RPS6KC1: variants seen among roughly 807,000 people sequenced by gnomAD.
The protein encoded by RPS6KC1 is ribosomal protein S6 kinase C1, also known as inactive ribosomal protein S6 kinase delta-1.
RPS6KC1 carries 54 observed loss-of-function variants against 103.8 expected under a neutral mutation model. That is an observed-to-expected ratio of 0.52 (90% CI 0.42 to 0.65). The LOEUF is 0.65. Among genes scored for constraint, RPS6KC1 ranks in the 30% least tolerant of loss-of-function variants. The pLI is 0.00. For synonymous variants in RPS6KC1, 439 were observed against 438.7 expected (o/e 1.00, Z -0.01); for missense variants, 1,151 against 1,253.8 (o/e 0.92, Z 1.24).
chr1:213,432,735 A>G, the RPS6KC1 span, among the ~76,000 whole-genome samples: 2 of 137,910 alleles, frequency 1.5e-5, no homozygotes, highest in South Asian at 2.4e-4. Context: ...ATCATACAGC[A>G]TGTAATCATT....
chr1:213,465,337 T>A, the RPS6KC1 span, among the ~76,000 whole-genome samples: 1 of 152,206 alleles, frequency 6.6e-6, no homozygotes, highest in South Asian at 2.1e-4. Context: ...TAATTTACAT[T>A]AGTGAACATT....
the RPS6KC1 span, among the ~76,000 whole-genome samples, chr1:213,740,199 C>T: frequency 6.6e-6 from 1 of 152,058 alleles, no homozygotes; most frequent in Non-Finnish European, 1.5e-5. Context: ...AAACAGAAAT[C>T]CAACACAATC....
chr1:213,612,127 G>T, the RPS6KC1 span, among the ~76,000 whole-genome samples: 228 of 152,304 alleles, frequency 1.5e-3, no homozygotes, highest in Non-Finnish European at 2.1e-3. Flanking sequence ...GGAACTTGTT[G>T]GAAATCCAGA....
At chr1:213,060,320 G>A (rs75187738) in intron 1 of RPS6KC1, among the ~76,000 whole-genome samples, 4,593 of 152,244 alleles carry the variant, frequency 0.03, 226 homozygotes, top group African/African-American at 0.1. Flanking sequence ...TAAATCAGTA[G>A]CTTCTTGAAG....
At chr1:213,410,253 G>C in the RPS6KC1 span, among the ~76,000 whole-genome samples, 3 of 152,144 alleles carry the variant, frequency 2.0e-5, no homozygotes, top group African/African-American at 7.2e-5. Flanking sequence ...GAGGGGGAAA[G>C]TGACGGATGG....
the RPS6KC1 span, among the ~76,000 whole-genome samples, chr1:213,454,691 T>G: frequency 3.3e-5 from 5 of 152,344 alleles, no homozygotes; most frequent in African/African-American, 1.2e-4. Flanking sequence ...GCCTTCAGAT[T>G]TAGATAAACC....
the RPS6KC1 span, among the ~76,000 whole-genome samples, chr1:213,476,775 C>T: frequency 2.0e-5 from 3 of 152,124 alleles, no homozygotes; most frequent in African/African-American, 7.2e-5. Flanking sequence ...GTGCTATTTT[C>T]CTGTTTGCTG....
the RPS6KC1 span, among the ~76,000 whole-genome samples, chr1:213,644,268 C>G: frequency 5.9e-5 from 9 of 152,010 alleles, no homozygotes; most frequent in Non-Finnish European, 1.0e-4. Flanking sequence ...GCACAGATTT[C>G]CAATATTCCC....
Position 213,051,306 on chromosome 1 carries a change from C to T in RPS6KC1, c.-99C>T, listed in dbSNP as rs1352995235. 1.2e-6 allele frequency: 1 copy of T among 848,268 alleles called. No individual in the cohort carries two copies. Among genetic ancestry groups the T allele is most frequent in the Non-Finnish European group, 1.9e-6 (1 of 526,626 alleles). 52.5% of individuals were successfully genotyped at this position (848,268 alleles called of 1,614,324 possible). On this transcript the variant is annotated 5_prime_UTR_variant, in exon 1 of 15. Coordinates refer to ENST00000366960, the MANE Select transcript of RPS6KC1 (RefSeq NM_012424.6). Reference sequence around the variant, plus strand: ...AGCCGCCTTGGAGCCACCGCCCCCTCGCCGCTTCGCCGCTGCGTTGGGGAA... The same window carrying T: ...AGCCGCCTTGGAGCCACCGCCCCCTTGCCGCTTCGCCGCTGCGTTGGGGAA...
the RPS6KC1 span, among the ~76,000 whole-genome samples, chr1:213,803,360 C>A: frequency 6.6e-6 from 1 of 151,482 alleles, no homozygotes; most frequent in Non-Finnish European, 1.5e-5. Flanking sequence ...GATTCTCCTG[C>A]CTCAGCCTCC....
rs1441442160 is a variant in RPS6KC1 at position 213,242,086 on chromosome 1, T to C, written c.2610T>C (p.Gly870=). 1.2e-6 allele frequency: 2 copies of C among 1,613,610 alleles called. No individual in the cohort carries two copies. The highest frequency in any genetic ancestry group is 2.7e-5 in the African/African-American group (2 of 74,842). The change falls in exon 11 of 15, where the codon GGT becomes GGC. Residue 870 remains glycine, a synonymous_variant. Transcript: ENST00000366960. The part of the protein sequence containing the change: ...SLFQRDSETK[G]ESGLVLEGDK... The stretch of plus-strand genomic sequence containing the variant: ...TCCAGAGAGACTCTGAGACTAAGGG[T>C]GAAAGTGGTTTAGTGCTAGAAGGAG...
At chr1:213,288,964 T>G in the RPS6KC1 span, among the ~76,000 whole-genome samples, 1 of 152,132 alleles carries the variant, frequency 6.6e-6, no homozygotes, top group Non-Finnish European at 1.5e-5. Flanking sequence ...GTTTTTTAAA[T>G]CTGACACAGA....
chr1:213,703,841 C>T, the RPS6KC1 span, among the ~76,000 whole-genome samples: 12 of 152,190 alleles, frequency 7.9e-5, no homozygotes, highest in African/African-American at 2.9e-4. Context: ...TCATAACCTT[C>T]TTGTACTTGG....
At chr1:213,260,024 C>G (rs1433371806) in intron 12 of RPS6KC1, among the ~76,000 whole-genome samples, 1 of 152,172 alleles carries the variant, frequency 6.6e-6, no homozygotes, top group Non-Finnish European at 1.5e-5. Context: ...TAGGCGTGAG[C>G]CACCTCGCCT....
the RPS6KC1 span, among the ~76,000 whole-genome samples, chr1:213,830,978 C>T: frequency 6.6e-6 from 1 of 152,170 alleles, no homozygotes; most frequent in Non-Finnish European, 1.5e-5. Context: ...TGCCAGTGGT[C>T]CTTCCCTGCT....
intron 4 of RPS6KC1, among the ~76,000 whole-genome samples, chr1:213,107,801 T>G (rs1240889120): frequency 6.6e-6 from 1 of 152,216 alleles, no homozygotes; most frequent in Non-Finnish European, 1.5e-5. Context: ...CACTTGGTAT[T>G]GTCTGATTTT....
intron 2 of RPS6KC1, among the ~76,000 whole-genome samples, chr1:213,072,152 T>C (rs534852710): frequency 2.4e-4 from 36 of 152,190 alleles, no homozygotes; most frequent in East Asian, 7.7e-4. Flanking sequence ...TTTTTTTTTT[T>C]CCACAATTAA....
At chr1:213,094,335 A>G (rs2081263860) in intron 3 of RPS6KC1, among the ~76,000 whole-genome samples, 1 of 151,648 alleles carries the variant, frequency 6.6e-6, no homozygotes, top group South Asian at 2.1e-4. Context: ...ATATTATAAA[A>G]TAGGCAGTCC....
the RPS6KC1 span, among the ~76,000 whole-genome samples, chr1:213,670,878 C>A: frequency 6.6e-6 from 1 of 152,156 alleles, no homozygotes; most frequent in African/African-American, 2.4e-5. Flanking sequence ...TGGGAAAGAC[C>A]CTAGCTCAAT....
Sources: allele counts gnomAD v4.1 joint callset (sites outside exome capture counted in the v4.1 genomes callset), GRCh38; gene constraint gnomAD v4.1.1; transcripts MANE v1.5; gene names NCBI Gene and HGNC (gene_info 2026-07-23, HGNC 2026-07-21).